LRRC40: variants seen among roughly 807,000 people sequenced by gnomAD.
The protein encoded by LRRC40 is leucine-rich repeat-containing protein 40.
Under a neutral mutation model 72.8 loss-of-function variants are expected in LRRC40, and 76 were observed. The ratio of observed to expected loss-of-function variants is 1.04; its 90% CI spans 0.87 to 1.26. The LOEUF (loss-of-function observed/expected upper bound fraction) is 1.26, where lower values mean the gene tolerates loss of function less well. Among genes scored for constraint, LRRC40 ranks in the 50% most tolerant of loss-of-function variants. The pLI, the probability that LRRC40 is intolerant of heterozygous loss-of-function variation, is 0.00. For missense variants in LRRC40, 684 were observed against 698.9 expected, an observed-to-expected ratio of 0.98 and a Z score of 0.24; for synonymous variants, 243 against 254.2, an observed-to-expected ratio of 0.96 and a Z score of 0.42.
intron 3 of LRRC40, among the ~76,000 whole-genome samples, chr1:70,186,178 T>A (rs560112942): frequency 6.6e-6 from 1 of 152,282 alleles, no homozygotes; most frequent in African/African-American, 2.4e-5. Flanking sequence ...TTCCTCCATC[T>A]CCTTTTCTTA....
intron 4 of LRRC40, 89 bp downstream of exon 4, chr1:70,184,694 CCA>C (rs781490824): frequency 6.6e-6 from 8 of 1,213,204 alleles, no homozygotes; most frequent in Non-Finnish European, 4.5e-6. Flanking sequence ...GTCCATGTTC[CCA>C]CAGTTTCAAT....
intron 1 of LRRC40, among the ~76,000 whole-genome samples, chr1:70,193,932 C>A (rs1016403696): frequency 6.6e-6 from 1 of 152,024 alleles, no homozygotes; most frequent in African/African-American, 2.4e-5. Context: ...AAAGGGAACT[C>A]CTTCAACCTT....
chr1:70,181,232 TAA>T (rs781219914), intron 4 of LRRC40, 23 bp from the exon 5 acceptor site: 11 of 1,407,800 alleles, frequency 7.8e-6, no homozygotes, highest in Admixed American at 2.5e-5. Flanking sequence ...AAAGACAAAA[TAA>T]ATGAATAAAC....
chr1:70,185,880 C>T (rs1386214654), intron 3 of LRRC40, among the ~76,000 whole-genome samples: 1 of 152,062 alleles, frequency 6.6e-6, no homozygotes, highest in African/African-American at 2.4e-5. Context: ...TGAACTAGTT[C>T]CCAGGTTTAT....
chr1:70,146,639 T>C (rs940421202), intron 14 of LRRC40, among the ~76,000 whole-genome samples: 1 of 152,152 alleles, frequency 6.6e-6, no homozygotes, highest in African/African-American at 2.4e-5. Context: ...AGTGACTGTA[T>C]ACTAAATGGT....
intron 1 of LRRC40, among the ~76,000 whole-genome samples, chr1:70,193,946 A>C (rs1668555116): frequency 6.6e-6 from 1 of 152,084 alleles, no homozygotes; most frequent in Admixed American, 6.5e-5. Flanking sequence ...CAACCTTACA[A>C]AGGGCATCTG....
At chr1:70,156,812 T>C (rs1220422438) in intron 10 of LRRC40, among the ~76,000 whole-genome samples, 1 of 152,116 alleles carries the variant, frequency 6.6e-6, no homozygotes, top group Non-Finnish European at 1.5e-5. Flanking sequence ...TAAAATTCCA[T>C]GATGCTACTC....
At chr1:70,171,076 T>C (rs1257431665) in intron 9 of LRRC40, among the ~76,000 whole-genome samples, 1 of 152,164 alleles carries the variant, frequency 6.6e-6, no homozygotes, top group African/African-American at 2.4e-5. Flanking sequence ...GTTGATTTTT[T>C]ACAAGAATGC....
chr1:70,166,382 G>A (rs1322771114), intron 9 of LRRC40, among the ~76,000 whole-genome samples: 2 of 152,144 alleles, frequency 1.3e-5, no homozygotes, highest in Non-Finnish European at 2.9e-5. Context: ...AATATGGCCT[G>A]GGCATGGTGA....
intron 5 of LRRC40, among the ~76,000 whole-genome samples, chr1:70,179,872 A>G (rs1389053490): frequency 6.6e-6 from 1 of 152,218 alleles, no homozygotes; most frequent in Non-Finnish European, 1.5e-5. Flanking sequence ...AATTTGATTT[A>G]GGGCAGATTT....
intron 9 of LRRC40, among the ~76,000 whole-genome samples, chr1:70,164,327 T>C (rs1465128422): frequency 1.3e-5 from 2 of 151,938 alleles, no homozygotes; most frequent in East Asian, 3.9e-4. Flanking sequence ...GAGGCAAAGG[T>C]TGCAGTGAGC....
chr1:70,192,545 C>CA (rs1164749581), intron 1 of LRRC40, among the ~76,000 whole-genome samples: 1 of 151,976 alleles, frequency 6.6e-6, no homozygotes, highest in Non-Finnish European at 1.5e-5. Flanking sequence ...TTCACAATTG[C>CA]AAAAACATGG....
At chr1:70,173,341 C>A in intron 9 of LRRC40, 124 bp downstream of exon 9, 2 of 657,590 alleles carry the variant, frequency 3.0e-6, no homozygotes, top group Non-Finnish European at 5.3e-6. Flanking sequence ...AGAATTAGAG[C>A]CACACATGCC....
chr1:70,171,749 T>A (rs1432439460), intron 9 of LRRC40, among the ~76,000 whole-genome samples: 1 of 152,134 alleles, frequency 6.6e-6, no homozygotes, highest in Non-Finnish European at 1.5e-5. Flanking sequence ...CTGGTGAGAA[T>A]GTAAATTGGT....
intron 1 of LRRC40, among the ~76,000 whole-genome samples, chr1:70,201,710 C>T (rs1217724886): frequency 6.6e-6 from 1 of 152,076 alleles, no homozygotes; most frequent in African/African-American, 2.4e-5. Context: ...TGGGGGCTCA[C>T]GCCTGTAATC....
chr1:70,169,091 G>C (rs575666915), intron 9 of LRRC40, among the ~76,000 whole-genome samples: 96 of 152,234 alleles, frequency 6.3e-4, no homozygotes, highest in Admixed American at 2.0e-3. Context: ...GAGAACAATT[G>C]TTCCAAGAGA....
chr1:70,173,767 T>C (rs1668047430), intron 7 of LRRC40, 58 bp from the exon 8 acceptor site: 4 of 815,684 alleles, frequency 4.9e-6, no homozygotes, highest in South Asian at 1.9e-5. Flanking sequence ...ACTCCAACCA[T>C]AGTTAACTAT....
At chr1:70,189,031 C>T (rs1326401202) in intron 2 of LRRC40, 61 bp downstream of exon 2, 7 of 1,440,068 alleles carry the variant, frequency 4.9e-6, no homozygotes, top group Non-Finnish European at 5.6e-6. Context: ...GCTACCAAAG[C>T]CTAAATTTAG....
chr1:70,201,597 A>C (rs1668739007), intron 1 of LRRC40, among the ~76,000 whole-genome samples: 1 of 152,204 alleles, frequency 6.6e-6, no homozygotes. Context: ...CTCACCAAAG[A>C]GATATACAGA....
Sources: allele counts gnomAD v4.1 joint callset (sites outside exome capture counted in the v4.1 genomes callset), GRCh38; gene constraint gnomAD v4.1.1; transcripts MANE v1.5; gene names NCBI Gene and HGNC (gene_info 2026-07-23, HGNC 2026-07-21).